The following GUCY1B1 variants were observed in gnomAD, a reference collection of about 807,000 sequenced individuals.
The protein encoded by GUCY1B1 is guanylate cyclase soluble subunit beta-1.
GUCY1B1 carries 43 observed loss-of-function variants against 71.0 expected under a neutral mutation model. The ratio of observed to expected loss-of-function variants is 0.61; its 90% CI spans 0.47 to 0.78. The LOEUF is 0.78. GUCY1B1 is among the 30% of genes least tolerant of loss of function. GUCY1B1 has a pLI of 0.00. For missense variants in GUCY1B1, 535 were observed against 754.1 expected, an observed-to-expected ratio of 0.71 and a Z score of 3.40; for synonymous variants, 266 against 259.7, an observed-to-expected ratio of 1.02 and a Z score of -0.23.
rs374513901 is a variant in GUCY1B1 at position 155,801,692 on chromosome 4, A to C, written c.1176-650A>C. ...GTCTAGTTTCTGCTTCTTTCCCTCTAAATTCACCAGCTGTCATCCTCCTCC... is the reference window on the plus strand; with the variant it reads ...GTCTAGTTTCTGCTTCTTTCCCTCTCAATTCACCAGCTGTCATCCTCCTCC... On this transcript the variant is annotated intron_variant, in intron 9 of 13. Coordinates refer to ENST00000264424, the MANE Select transcript of GUCY1B1 (RefSeq NM_000857.5). Among the ~76,000 whole-genome samples the C allele has an allele frequency of 1.1e-4, 16 of 152,224 alleles. No homozygotes were observed. The East Asian group carries it at 2.9e-3, about 28-fold the overall frequency.
intron 2 of GUCY1B1, among the ~76,000 whole-genome samples, chr4:155,770,660 C>T (rs1737633347): frequency 6.6e-6 from 1 of 152,014 alleles, no homozygotes; most frequent in Non-Finnish European, 1.5e-5. Context: ...TAGCTTTTCC[C>T]CTGAAAGGAA....
At chr4:155,785,394 T>C (rs964542800) in intron 4 of GUCY1B1, 11 of 714,048 alleles carry the variant, frequency 1.5e-5, no homozygotes, top group Non-Finnish European at 2.4e-5. Flanking sequence ...TTCTTTGCAA[T>C]TGGCCACACA....
chr4:155,765,501 G>A (rs937052191), intron 2 of GUCY1B1, among the ~76,000 whole-genome samples: 1 of 152,138 alleles, frequency 6.6e-6, no homozygotes, highest in Non-Finnish European at 1.5e-5. Flanking sequence ...CTTTTTCTGT[G>A]TCAAACTATA....
chr4:155,785,318 T>C, intron 4 of GUCY1B1: 1 of 1,436,246 alleles, frequency 7.0e-7, no homozygotes, highest in Non-Finnish European at 9.5e-7. Context: ...GGGAATCTAC[T>C]TGTGCTGCAA....
intron 8 of GUCY1B1, 99 bp downstream of exon 8, chr4:155,796,609 T>A (rs1739575674): frequency 2.6e-6 from 2 of 766,988 alleles, no homozygotes; most frequent in Non-Finnish European, 4.1e-6. Context: ...ACATATTCTC[T>A]GAGGTGTAAT....
intron 11 of GUCY1B1, 73 bp from the exon 12 acceptor site, chr4:155,804,520 A>T: frequency 8.3e-7 from 1 of 1,205,498 alleles, no homozygotes; most frequent in Non-Finnish European, 1.2e-6. Flanking sequence ...GCCAGAACTT[A>T]AAGTAAAATA....
chr4:155,781,519 C>T (rs6833089), intron 4 of GUCY1B1, among the ~76,000 whole-genome samples: 27,061 of 151,884 alleles, frequency 0.18, 2,585 homozygotes, highest in African/African-American at 0.23. Flanking sequence ...TTAAGCCACA[C>T]TGAGACTTTA....
chr4:155,804,791 G>T (rs748427821), intron 12 of GUCY1B1, 44 bp downstream of exon 12: 1 of 1,520,212 alleles, frequency 6.6e-7, no homozygotes, highest in South Asian at 1.2e-5. Flanking sequence ...CAAAGAAAAT[G>T]TGTCTTTGCA....
chr4:155,771,505 T>C (rs529063229), intron 2 of GUCY1B1, among the ~76,000 whole-genome samples: 2 of 152,320 alleles, frequency 1.3e-5, no homozygotes, highest in East Asian at 3.9e-4. Context: ...TTTATGTGAT[T>C]TGATTTATTC....
At chr4:155,793,156 A>G (rs1229721217) in intron 5 of GUCY1B1, among the ~76,000 whole-genome samples, 1 of 151,904 alleles carries the variant, frequency 6.6e-6, no homozygotes, top group Non-Finnish European at 1.5e-5. Flanking sequence ...TCTCACTACA[A>G]CCTCTGCCTC....
intron 2 of GUCY1B1, among the ~76,000 whole-genome samples, chr4:155,766,262 T>C (rs1339658344): frequency 6.6e-6 from 1 of 152,208 alleles, no homozygotes; most frequent in Non-Finnish European, 1.5e-5. Context: ...ATATAAGCTG[T>C]TTTCAAATAG....
intron 2 of GUCY1B1, among the ~76,000 whole-genome samples, chr4:155,763,472 G>T (rs538195672): frequency 6.6e-6 from 1 of 152,058 alleles, no homozygotes; most frequent in Admixed American, 6.5e-5. Flanking sequence ...CAGATAAAAC[G>T]TTTATCTTTA....
At chr4:155,788,507 TGGATAATCCA>T (rs1738949817) in intron 4 of GUCY1B1, among the ~76,000 whole-genome samples, 1 of 152,214 alleles carries the variant, frequency 6.6e-6, no homozygotes, top group Admixed American at 6.5e-5. Flanking sequence ...TGGGCTCACC[TGGATAATCCA>T]GGATAATCTT....
chr4:155,772,393 A>G (rs780048509), intron 2 of GUCY1B1, among the ~76,000 whole-genome samples: 2 of 152,090 alleles, frequency 1.3e-5, no homozygotes, highest in Non-Finnish European at 2.9e-5. Flanking sequence ...TTCAGAAAAG[A>G]GAGGTTTTGT....
intron 9 of GUCY1B1, among the ~76,000 whole-genome samples, chr4:155,801,057 G>A (rs969526048): frequency 6.6e-6 from 1 of 152,098 alleles, no homozygotes; most frequent in African/African-American, 2.4e-5. Flanking sequence ...GACATATGCA[G>A]ATATTCTGTA....
chr4:155,772,428 T>C (rs1328773063), intron 2 of GUCY1B1, among the ~76,000 whole-genome samples: 1 of 152,188 alleles, frequency 6.6e-6, no homozygotes, highest in African/African-American at 2.4e-5. Context: ...GCTTGTTTGT[T>C]AGCTGAGTCA....
rs761168926 is a variant in GUCY1B1 at position 155,802,221 on chromosome 4, CT to C, written c.1176-120del. 9.5e-5 allele frequency: 144 copies of C among 1,521,054 alleles called. No homozygotes were observed. The highest frequency in any genetic ancestry group is 1.2e-4 in the Non-Finnish European group (137 of 1,137,616). The allele number at this position is 1,521,054 out of a possible 1,614,324, so 94.2% of individuals were successfully genotyped here. ...TTTGATGCTAATTTTAGAGGATGTC[CT>C]GCTAGAATCCAGGCCTTTAAAGTAC... is the stretch of plus-strand genomic sequence containing the variant. On this transcript the variant is annotated intron_variant, in intron 9 of 13. Transcript: ENST00000264424. This position sits in a 1 kb window ranked among gnomAD's most constrained non-coding sequence, Gnocchi z 4.3.
intron 4 of GUCY1B1, among the ~76,000 whole-genome samples, chr4:155,783,876 C>T (rs967168891): frequency 6.6e-6 from 1 of 151,984 alleles, no homozygotes; most frequent in Admixed American, 6.6e-5. Context: ...ATCCACAACG[C>T]CAATTTCTAT....
intron 2 of GUCY1B1, among the ~76,000 whole-genome samples, chr4:155,768,509 T>G (rs1737496610): frequency 1.3e-5 from 2 of 151,336 alleles, no homozygotes; most frequent in African/African-American, 4.9e-5. Flanking sequence ...GAAATTGATT[T>G]CATTAATTCA....
Sources: allele counts gnomAD v4.1 joint callset (sites outside exome capture counted in the v4.1 genomes callset), GRCh38; gene constraint gnomAD v4.1.1; non-coding constraint Gnocchi (gnomAD v3.1); transcripts MANE v1.5; gene names NCBI Gene and HGNC (gene_info 2026-07-23, HGNC 2026-07-21).